Variants in CSMD1 observed in about 807,000 individuals in gnomAD.
CSMD1 encodes CUB and Sushi multiple domains 1, also known as CUB and sushi domain-containing protein 1.
Under a neutral mutation model 417.5 loss-of-function variants are expected in CSMD1, and 213 were observed. The observed-to-expected ratio is 0.51, with a 90% CI of 0.46 to 0.57. The LOEUF is 0.57. CSMD1 is among the 20% of genes least tolerant of loss of function. CSMD1 has a pLI of 0.00. For synonymous variants in CSMD1, 2,862 were observed against 1,736.8 expected (o/e 1.65, Z -16.11); for missense variants, 6,923 against 4,529.7 (o/e 1.53, Z -15.17).
intron 6 of CSMD1, among the ~76,000 whole-genome samples, chr8:3,727,228 A>G (rs1378913826): frequency 6.6e-6 from 1 of 152,230 alleles, no homozygotes. Flanking sequence ...GTTGCGTTTG[A>G]CAATTATCAC....
chr8:3,887,277 T>G (rs1364805914), intron 5 of CSMD1, among the ~76,000 whole-genome samples: 1 of 152,210 alleles, frequency 6.6e-6, no homozygotes, highest in Non-Finnish European at 1.5e-5. Context: ...CACAACCACC[T>G]GGGAGGCCCA....
intron 3 of CSMD1, among the ~76,000 whole-genome samples, chr8:4,360,667 T>G (rs999963889): frequency 6.6e-6 from 1 of 152,070 alleles, no homozygotes; most frequent in African/African-American, 2.4e-5. Context: ...ATTTTTTTTT[T>G]GTTTTTTAGT....
At position 4,705,638 on chromosome 8, in the gene CSMD1, C is replaced by T. The variant is rs377167781; in HGVS notation, c.86-68080G>A. ...TTATATTCTGATACTGCGGCATGAA[C>T]GAAGCTCTTCTTTCCGGCCCTTGTA... On this transcript the variant is annotated intron_variant, in intron 1 of 69. Transcript: ENST00000635120. Among the ~76,000 whole-genome samples the T allele has an allele frequency of 1.1e-4, 16 of 152,290 alleles. No individual in the cohort carries two copies. The South Asian group carries it at 1.7e-3, about 16-fold the overall frequency.
intron 2 of CSMD1, among the ~76,000 whole-genome samples, chr8:4,471,108 A>G (rs1428442122): frequency 6.6e-6 from 1 of 152,190 alleles, no homozygotes; most frequent in Non-Finnish European, 1.5e-5. Context: ...TTTGTGTGAA[A>G]TGTTTAATTT....
At chr8:4,701,719 C>T (rs922420) in intron 1 of CSMD1, among the ~76,000 whole-genome samples, 1 of 151,834 alleles carries the variant, frequency 6.6e-6, no homozygotes. Context: ...CAAATCATAA[C>T]ATTCCTCTTT....
intron 2 of CSMD1, among the ~76,000 whole-genome samples, chr8:4,423,465 A>T (rs1240011908): frequency 6.6e-6 from 1 of 152,086 alleles, no homozygotes; most frequent in Non-Finnish European, 1.5e-5. Flanking sequence ...CAACAGCTCA[A>T]AGAAAAGCTT....
intron 5 of CSMD1, among the ~76,000 whole-genome samples, chr8:3,807,446 G>A (rs1016241780): frequency 6.6e-6 from 1 of 152,090 alleles, no homozygotes; most frequent in South Asian, 2.1e-4. Flanking sequence ...TATGTGTAAT[G>A]AAAGGCAAAG....
intron 1 of CSMD1, among the ~76,000 whole-genome samples, chr8:4,871,226 G>A (rs1015083): frequency 0.096 from 14,633 of 152,126 alleles, 900 homozygotes; most frequent in East Asian, 0.3. Context: ...GAAGTGGGTG[G>A]TCCAGAGCTA....
intron 1 of CSMD1, among the ~76,000 whole-genome samples, chr8:4,939,375 T>G (rs542842936): frequency 6.6e-6 from 1 of 152,232 alleles, no homozygotes; most frequent in Non-Finnish European, 1.5e-5. Context: ...TATTCATTAA[T>G]AGCCAAGCTA....
At chr8:4,914,676 T>C (rs1433247776) in intron 1 of CSMD1, among the ~76,000 whole-genome samples, 1 of 151,786 alleles carries the variant, frequency 6.6e-6, no homozygotes, top group East Asian at 1.9e-4. Flanking sequence ...TGGACACTAA[T>C]CCGTGAAAAT....
chr8:4,124,072 T>A (rs1802630481), intron 3 of CSMD1, among the ~76,000 whole-genome samples: 1 of 152,074 alleles, frequency 6.6e-6, no homozygotes, highest in East Asian at 1.9e-4. Context: ...CACAGACTTC[T>A]ACGCACAGAA....
At chr8:3,903,241 C>G (rs141373303) in intron 5 of CSMD1, among the ~76,000 whole-genome samples, 114 of 152,180 alleles carry the variant, frequency 7.5e-4, no homozygotes, top group Non-Finnish European at 1.4e-3. Flanking sequence ...TACTCCTTGT[C>G]TCTGCCATGT....
intron 5 of CSMD1, among the ~76,000 whole-genome samples, chr8:3,941,747 T>G (rs1453748595): frequency 1.3e-5 from 2 of 152,180 alleles, no homozygotes; most frequent in Non-Finnish European, 2.9e-5. Context: ...AAATCTTGCC[T>G]AAAACAGCAT....
chr8:4,484,784 A>T (rs1801281228), intron 2 of CSMD1, among the ~76,000 whole-genome samples: 1 of 151,934 alleles, frequency 6.6e-6, no homozygotes. Context: ...CCTGGCTAAC[A>T]CGGTGAAACC....
intron 3 of CSMD1, among the ~76,000 whole-genome samples, chr8:4,338,094 T>C (rs963355157): frequency 6.6e-6 from 1 of 152,180 alleles, no homozygotes; most frequent in Non-Finnish European, 1.5e-5. Context: ...CACTTTTATG[T>C]GTAACTTTGG....
At chr8:4,697,516 T>C (rs1807216040) in intron 1 of CSMD1, among the ~76,000 whole-genome samples, 4 of 152,202 alleles carry the variant, frequency 2.6e-5, no homozygotes, top group African/African-American at 9.7e-5. Context: ...TGGAATTCTA[T>C]GTCCTGTATT....
chr8:4,537,974 C>T (rs1438580583), intron 2 of CSMD1, among the ~76,000 whole-genome samples: 1 of 152,192 alleles, frequency 6.6e-6, no homozygotes, highest in Non-Finnish European at 1.5e-5. Context: ...AACAGCTGTA[C>T]TCAAAACCAG....
At chr8:4,769,170 T>A (rs1220655256) in intron 1 of CSMD1, among the ~76,000 whole-genome samples, 1 of 152,206 alleles carries the variant, frequency 6.6e-6, no homozygotes, top group Non-Finnish European at 1.5e-5. Flanking sequence ...TTTAGCTTTG[T>A]AAGATGTGGC....
At chr8:3,495,211 T>C (rs1290833047) in intron 10 of CSMD1, among the ~76,000 whole-genome samples, 1 of 152,350 alleles carries the variant, frequency 6.6e-6, no homozygotes, top group South Asian at 2.1e-4. Flanking sequence ...TTCTACTTTT[T>C]GTTTCTCATG....
Sources: gnomAD v4.1 joint callset for allele counts (sites outside exome capture counted in the v4.1 genomes callset) on GRCh38, gnomAD v4.1.1 for gene constraint, MANE v1.5 for transcripts, NCBI Gene and HGNC (gene_info 2026-07-23, HGNC 2026-07-21) for gene names.